PTPRN2: variants seen among roughly 807,000 people sequenced by gnomAD.
PTPRN2 encodes the protein protein tyrosine phosphatase receptor type N2, also known as receptor-type tyrosine-protein phosphatase N2.
In PTPRN2, 74 loss-of-function variants were observed where a neutral mutation model predicts 118.8. The observed-to-expected ratio is 0.62, with a 90% CI of 0.52 to 0.76. The LOEUF (loss-of-function observed/expected upper bound fraction) is 0.76, where lower values mean the gene tolerates loss of function less well. Ranked by LOEUF, PTPRN2 falls within the 30% of genes least tolerant of loss-of-function variation. The pLI is 0.00. For missense variants in PTPRN2, 1,481 were observed against 1,394.4 expected (o/e 1.06, Z -0.99); for synonymous variants, 641 against 608.0 (o/e 1.05, Z -0.80).
chr7:157,830,577 C>T (rs1194840366), intron 12 of PTPRN2, among the ~76,000 whole-genome samples: 1 of 152,116 alleles, frequency 6.6e-6, no homozygotes, highest in Non-Finnish European at 1.5e-5. Flanking sequence ...GCTGACCGTG[C>T]ACCCACAGCT....
chr7:157,688,164 A>G (rs369013479), intron 12 of PTPRN2, among the ~76,000 whole-genome samples: 53 of 152,378 alleles, frequency 3.5e-4, no homozygotes, highest in African/African-American at 1.3e-3. Flanking sequence ...TTTAATGAAA[A>G]TAAGTTGGGA....
chr7:157,674,275 T>C lies in PTPRN2; in HGVS notation c.2001+8450A>G, dbSNP rs1023579661. Among the ~76,000 whole-genome samples the C allele has an allele frequency of 3.9e-5, 6 of 152,124 alleles. No homozygotes were observed. Among genetic ancestry groups the C allele is most frequent in the African/African-American group, 1.4e-4 (6 of 41,442 alleles). ...AAGAGACAGCCAGGCGGCGAGGGAC[T>C]TGTCCTGTGGAGGCCTCCCCAGGAG... On this transcript the variant is annotated intron_variant, in intron 13 of 22. Coordinates refer to ENST00000389418, the MANE Select transcript of PTPRN2 (RefSeq NM_002847.5). The surrounding 1 kb of genome is among the most constrained non-coding windows in gnomAD (Gnocchi z 4.5).
At chr7:157,677,902 A>G (rs1796745046) in intron 13 of PTPRN2, among the ~76,000 whole-genome samples, 1 of 152,132 alleles carries the variant, frequency 6.6e-6, no homozygotes, top group African/African-American at 2.4e-5. Context: ...GGAGGGAGGC[A>G]CGGCCTTGCC....
chr7:157,565,128 C>T (rs956516529), intron 21 of PTPRN2, among the ~76,000 whole-genome samples: 10 of 152,206 alleles, frequency 6.6e-5, no homozygotes, highest in Non-Finnish European at 1.0e-4. Flanking sequence ...CAAAGAAGAA[C>T]GGAAGTGATC....
intron 6 of PTPRN2, among the ~76,000 whole-genome samples, chr7:158,140,260 G>T (rs924293466): frequency 1.3e-5 from 2 of 152,224 alleles, no homozygotes; most frequent in African/African-American, 4.8e-5. Context: ...TGACAACTCC[G>T]AGGAGACTGT....
chr7:157,706,228 T>G (rs1798323027), intron 12 of PTPRN2, among the ~76,000 whole-genome samples: 1 of 152,116 alleles, frequency 6.6e-6, no homozygotes. Flanking sequence ...TCCAGTGCCT[T>G]CTGGATTAGC....
intron 5 of PTPRN2, among the ~76,000 whole-genome samples, chr7:158,189,709 T>C (rs956481757): frequency 2.6e-5 from 4 of 152,226 alleles, no homozygotes; most frequent in Admixed American, 2.0e-4. Flanking sequence ...TGCACGTGGG[T>C]TACTTTACTG....
rs926540630 is a variant in PTPRN2, at chr7:158,244,939, C to T, written c.278-39666G>A. ...AGCCCCAGTGCCCCGGGGTGGGGGC[C>T]GTGGGAGAAGCGACAGGCCTGAGCG... On this transcript the variant is annotated intron_variant, in intron 3 of 22. Coordinates refer to ENST00000389418, the MANE Select transcript of PTPRN2 (RefSeq NM_002847.5). 1.1e-4 allele frequency among the ~76,000 whole-genome samples: 17 copies of T among 152,160 alleles called. 1 individual carries two copies. Among genetic ancestry groups the T allele is most frequent in the Non-Finnish European group, 2.4e-4 (16 of 68,018 alleles).
At chr7:158,442,141 A>C (rs1381482882) in intron 2 of PTPRN2, among the ~76,000 whole-genome samples, 1 of 136,590 alleles carries the variant, frequency 7.3e-6, no homozygotes, top group Non-Finnish European at 1.6e-5. Context: ...TGGTGGTGGC[A>C]GTGGTGGTGA....
At chr7:158,284,465 G>A (rs926603950) in intron 3 of PTPRN2, among the ~76,000 whole-genome samples, 2 of 152,188 alleles carry the variant, frequency 1.3e-5, no homozygotes, top group South Asian at 2.1e-4. Context: ...CTAAAGCTGA[G>A]ACAGAGATCC....
In PTPRN2 at chr7:157,622,824, A is replaced by G. The variant is rs1263560; in HGVS notation, c.2197-1315T>C. 0.31 allele frequency among the ~76,000 whole-genome samples: 46,606 copies of G among 151,996 alleles called. 7,478 individuals are homozygous for G. The highest frequency in any genetic ancestry group is 0.38 in the South Asian group (1,845 of 4,810). On this transcript the variant is annotated intron_variant, in intron 14 of 22. Transcript: ENST00000389418. The surrounding 1 kb of genome is among the most constrained non-coding windows in gnomAD (Gnocchi z 5.3). ...CATGGCCCTGCTTGAGCTAGTTGGG[A>G]AAAGCAGAGGGACTCCAGTGCCGTT...
chr7:158,498,204 A>G (rs1219683142), intron 1 of PTPRN2, among the ~76,000 whole-genome samples: 1 of 152,362 alleles, frequency 6.6e-6, no homozygotes, highest in Non-Finnish European at 1.5e-5. Context: ...AGCTTCCCAC[A>G]GAAAAAGAAC....
chr7:158,058,384 T>C (rs1372387315), intron 11 of PTPRN2, among the ~76,000 whole-genome samples: 2 of 133,406 alleles, frequency 1.5e-5, no homozygotes, highest in African/African-American at 6.6e-5. Flanking sequence ...GCAGCCACAC[T>C]CCATCTGCCC....
intron 3 of PTPRN2, among the ~76,000 whole-genome samples, chr7:158,273,537 C>CAG (rs767319012): frequency 1.4e-5 from 1 of 71,266 alleles, no homozygotes; most frequent in Non-Finnish European, 2.6e-5. Flanking sequence ...GCCGCAGACA[C>CAG]GGGGAGCCGC....
chr7:158,004,954 A>T (rs1339798018), intron 11 of PTPRN2, among the ~76,000 whole-genome samples: 1 of 152,220 alleles, frequency 6.6e-6, no homozygotes, highest in Non-Finnish European at 1.5e-5. Flanking sequence ...ATACATAAAC[A>T]GTAAGATGGA....
intron 1 of PTPRN2, among the ~76,000 whole-genome samples, chr7:158,518,988 TAAAC>T (rs1264370543): frequency 2.0e-5 from 3 of 151,988 alleles, no homozygotes; most frequent in Non-Finnish European, 4.4e-5. Context: ...ACTCTGTCTC[TAAAC>T]AAACAAACAA....
intron 11 of PTPRN2, among the ~76,000 whole-genome samples, chr7:158,058,369 T>C (rs1213296120): frequency 1.4e-5 from 2 of 138,126 alleles, no homozygotes; most frequent in African/African-American, 3.0e-5. Flanking sequence ...CGGTGACACA[T>C]CACTGCAGCC....
At chr7:158,274,997 C>T (rs1416378723) in intron 3 of PTPRN2, among the ~76,000 whole-genome samples, 1 of 152,190 alleles carries the variant, frequency 6.6e-6, no homozygotes, top group Non-Finnish European at 1.5e-5. Flanking sequence ...AGTCCTGTCT[C>T]CCCCCAAAAT....
chr7:158,480,462 T>G (rs1820575686), intron 2 of PTPRN2, among the ~76,000 whole-genome samples: 1 of 152,142 alleles, frequency 6.6e-6, no homozygotes, highest in South Asian at 2.1e-4. Flanking sequence ...TTAGGCTAAT[T>G]AGCAACCCTA....
Sources: gnomAD v4.1 joint callset for allele counts (sites outside exome capture counted in the v4.1 genomes callset) on GRCh38, gnomAD v4.1.1 for gene constraint, Gnocchi (gnomAD v3.1) non-coding constraint, MANE v1.5 for transcripts, NCBI Gene and HGNC (gene_info 2026-07-23, HGNC 2026-07-21) for gene names.